KCTD9: variants seen among roughly 807,000 people sequenced by gnomAD.
The protein encoded by KCTD9 is potassium channel tetramerization domain containing 9.
In KCTD9, 17 loss-of-function variants were observed where a neutral mutation model predicts 53.3. The ratio of observed to expected loss-of-function variants is 0.32; its 90% confidence interval spans 0.22 to 0.48. The LOEUF is 0.48. KCTD9 is among the 20% of genes least tolerant of loss of function. The pLI, the probability that KCTD9 is intolerant of heterozygous loss-of-function variation, is 0.99. For missense variants in KCTD9, 179 were observed against 465.5 expected (o/e 0.38, Z 5.66); for synonymous variants, 128 against 162.7 (o/e 0.79, Z 1.62).
chr8:25,439,238 G>A lies in KCTD9; in HGVS notation c.499+41C>T, dbSNP rs781467473. 26 of 1,469,058 alleles carry A rather than the reference G, an allele frequency of 1.8e-5. No homozygotes were observed. In the Admixed American group the frequency reaches 5.1e-4, roughly 29 times the overall value. The allele number at this position is 1,469,058 out of a possible 1,614,324, so 91.0% of individuals were successfully genotyped here. ...TAAAATCTTAAACTTACAAAAATGT[G>A]AGTAGTTACATAATTATATTGAAAG... On this transcript the variant is annotated intron_variant, in intron 6 of 11. Coordinates refer to ENST00000221200, the MANE Select transcript of KCTD9 (RefSeq NM_017634.4).
At position 25,429,663 on chromosome 8, in the gene KCTD9, T is replaced by C; in HGVS notation, c.*194A>G. 2.0e-6 allele frequency: 1 copy of C among 495,918 alleles called. No homozygotes were observed. Among genetic ancestry groups the C allele is most frequent in the East Asian group, 3.8e-5 (1 of 26,572 alleles). The allele number at this position is 495,918 out of a possible 1,614,324, so 30.7% of individuals were successfully genotyped here. ...CATCTATTAAATGAGTGCTTTTCTG[T>C]TAAAAATCAGAATATGGAAAAAAAG... On this transcript the variant is annotated 3_prime_UTR_variant, in exon 12 of 12. Coordinates refer to ENST00000221200, the MANE Select transcript of KCTD9 (RefSeq NM_017634.4).
chr8:25,442,270 T>A (rs1586430301), intron 3 of KCTD9, among the ~76,000 whole-genome samples: 2 of 152,290 alleles, frequency 1.3e-5, no homozygotes, highest in East Asian at 3.9e-4. Context: ...AAAATTACTG[T>A]ACTTTAAAGA....
chr8:25,445,969 C>T, intron 2 of KCTD9, 160 bp downstream of exon 2: 1 of 816,716 alleles, frequency 1.2e-6, no homozygotes, highest in Non-Finnish European at 1.9e-6. Context: ...ATCAATTCAC[C>T]TTAAGCCCAA....
At chr8:25,449,493 T>A (rs1802278701) in intron 1 of KCTD9, among the ~76,000 whole-genome samples, 1 of 152,192 alleles carries the variant, frequency 6.6e-6, no homozygotes, top group Non-Finnish European at 1.5e-5. Flanking sequence ...TAGCTTAAGA[T>A]CTTATATGAC....
chr8:25,448,160 GA>G (rs1454957520), intron 1 of KCTD9, among the ~76,000 whole-genome samples: 1 of 151,704 alleles, frequency 6.6e-6, no homozygotes, highest in Non-Finnish European at 1.5e-5. Context: ...AAAAGGAAAG[GA>G]AAGGAAAGAA....
At chr8:25,450,522 C>T (rs1365571998) in intron 1 of KCTD9, 2 of 899,734 alleles carry the variant, frequency 2.2e-6, no homozygotes, top group Middle Eastern at 5.7e-4. Flanking sequence ...AAATGCAATT[C>T]TAAAGCAGTC....
chr8:25,433,454 A>G lies in KCTD9; in HGVS notation c.814-19T>C. The G allele has an allele frequency of 6.8e-7, 1 of 1,465,280 alleles. No homozygotes were observed. The allele number at this position is 1,465,280 out of a possible 1,614,324, so 90.8% of individuals were successfully genotyped here. ...TCGCACACTGCAAAGAAAAGAGAAAAGTCCTGGTTGTAAGGTTCATAATTT... is the reference window on the plus strand; with the variant it reads ...TCGCACACTGCAAAGAAAAGAGAAAGGTCCTGGTTGTAAGGTTCATAATTT... On this transcript the variant is annotated intron_variant, in intron 9 of 11. Transcript: ENST00000221200.
At chr8:25,455,950 ACTGT>A (rs1392748698) in intron 1 of KCTD9, among the ~76,000 whole-genome samples, 1 of 152,248 alleles carries the variant, frequency 6.6e-6, no homozygotes, top group African/African-American at 2.4e-5. Context: ...CGTCTTGGAC[ACTGT>A]CTGTGGTGTG....
At position 25,446,111 on chromosome 8, in the gene KCTD9, T is replaced by C; in HGVS notation, c.170+18A>G. ...GTTGAGGCACACTGTTGACAGCTTA[T>C]AAAAAGGTGAAGGTTACCTGATCAA... On this transcript the variant is annotated intron_variant, in intron 2 of 11. Coordinates refer to ENST00000221200, the MANE Select transcript of KCTD9 (RefSeq NM_017634.4). The C allele has an allele frequency of 6.2e-7, 1 of 1,611,768 alleles. No individual in the cohort carries two copies. The highest frequency in any genetic ancestry group is 8.5e-7 in the Non-Finnish European group (1 of 1,178,942).
chr8:25,433,055 C>A (rs1388759672), intron 10 of KCTD9, among the ~76,000 whole-genome samples: 1 of 152,092 alleles, frequency 6.6e-6, no homozygotes, highest in African/African-American at 2.4e-5. Flanking sequence ...ATATTTTATT[C>A]CATTTGAAAG....
At chr8:25,457,187 G>A in intron 1 of KCTD9, 1 of 179,370 alleles carries the variant, frequency 5.6e-6, no homozygotes, top group Non-Finnish European at 1.1e-5. Flanking sequence ...TAATCGGAAA[G>A]CCATTTTTAA....
intron 6 of KCTD9, among the ~76,000 whole-genome samples, chr8:25,438,160 G>A (rs1053812384): frequency 4.6e-5 from 7 of 152,214 alleles, no homozygotes; most frequent in African/African-American, 1.4e-4. Context: ...ACACAGCATG[G>A]ATAAATATAT....
At chr8:25,433,659 A>T (rs1801968260) in intron 9 of KCTD9, among the ~76,000 whole-genome samples, 1 of 152,260 alleles carries the variant, frequency 6.6e-6, no homozygotes, top group African/African-American at 2.4e-5. Flanking sequence ...TTAAAAAATA[A>T]ATGCAAATTA....
At chr8:25,440,783 A>T in intron 3 of KCTD9, 110 bp from the exon 4 acceptor site, 1 of 736,938 alleles carries the variant, frequency 1.4e-6, no homozygotes, top group Admixed American at 2.2e-5. Flanking sequence ...AGCATACCAG[A>T]GCTACTAGGA....
intron 1 of KCTD9, among the ~76,000 whole-genome samples, chr8:25,450,813 T>C (rs983080582): frequency 6.6e-6 from 1 of 152,192 alleles, no homozygotes; most frequent in Non-Finnish European, 1.5e-5. Flanking sequence ...TTATTTTGTT[T>C]GTTTTCCAAA....
chr8:25,432,377 G>T, intron 11 of KCTD9, 127 bp downstream of exon 11: 2 of 776,452 alleles, frequency 2.6e-6, no homozygotes, highest in Non-Finnish European at 4.3e-6. Flanking sequence ...AACTTAGACT[G>T]AATGTCAGAT....
At chr8:25,450,981 G>C (rs1181147256) in intron 1 of KCTD9, among the ~76,000 whole-genome samples, 1 of 152,128 alleles carries the variant, frequency 6.6e-6, no homozygotes, top group African/African-American at 2.4e-5. Flanking sequence ...ATAACCAAAG[G>C]GTGGTCAATT....
rs1399817014 is a variant in KCTD9, at chr8:25,428,397, T to A, written c.*1460A>T. 6.6e-6 allele frequency: 1 copy of A among 152,572 alleles called. No individual in the cohort carries two copies. Among genetic ancestry groups the A allele is most frequent in the East Asian group, 1.9e-4 (1 of 5,194 alleles). The allele number at this position is 152,572 out of a possible 1,614,324, so 9.5% of individuals were successfully genotyped here. A position where few individuals can be genotyped will look rare whatever the true frequency, so the allele number is the denominator to read the frequency against. On this transcript the variant is annotated 3_prime_UTR_variant, in exon 12 of 12. Coordinates refer to ENST00000221200, the MANE Select transcript of KCTD9 (RefSeq NM_017634.4). ...TACCCTTTACTGTTAAGGAAAGCTTTGCATATGTAGATATAGAAGAATAAG... is the reference window on the plus strand; with the variant it reads ...TACCCTTTACTGTTAAGGAAAGCTTAGCATATGTAGATATAGAAGAATAAG...
Position 25,431,329 on chromosome 8 carries a change from C to T in KCTD9, c.1053+1175G>A, listed in dbSNP as rs10099739. The stretch of plus-strand genomic sequence containing the variant: ...CCTTCTTTTTAAAGCCCCAAAGGTA[C>T]GTATATAATACAGTGAGTTTGACAG... On this transcript the variant is annotated intron_variant, in intron 11 of 11. Coordinates refer to ENST00000221200, the MANE Select transcript of KCTD9 (RefSeq NM_017634.4). Among the ~76,000 whole-genome samples, 149 of 152,052 alleles carry T rather than the reference C, an allele frequency of 9.8e-4. 1 individual carries two copies.
Sources: gnomAD v4.1 joint callset for allele counts (sites outside exome capture counted in the v4.1 genomes callset) on GRCh38, gnomAD v4.1.1 for gene constraint, MANE v1.5 for transcripts, NCBI Gene and HGNC (gene_info 2026-07-23, HGNC 2026-07-21) for gene names.